The following LAMP1 variants were observed in gnomAD, a reference collection of about 807,000 sequenced individuals.
The protein encoded by LAMP1 is lysosome associated membrane protein 1, also known as lysosome-associated membrane glycoprotein 1.
A neutral mutation model predicts 37.5 loss-of-function variants in LAMP1; 7 were observed. The ratio of observed to expected loss-of-function variants is 0.19; its 90% confidence interval spans 0.11 to 0.35. LAMP1 has a LOEUF of 0.35. Among genes scored for constraint, LAMP1 ranks in the 10% least tolerant of loss-of-function variants. LAMP1 has a pLI of 1.00. For missense variants in LAMP1, 537 were observed against 552.8 expected (o/e 0.97, Z 0.29); for synonymous variants, 236 against 229.1 (o/e 1.03, Z -0.27).
At chr13:113,313,860 G>T (rs1395739595) in intron 4 of LAMP1, among the ~76,000 whole-genome samples, 1 of 125,496 alleles carries the variant, frequency 8.0e-6, no homozygotes, top group African/African-American at 4.0e-5. Context: ...GTGTGGAGAT[G>T]CCCGTGTGCC....
In LAMP1 at chr13:113,321,907, C is replaced by T. The variant is rs138234444; in HGVS notation, c.1114+180C>T. On this transcript the variant is annotated intron_variant, in intron 8 of 8. Coordinates refer to ENST00000332556, the MANE Select transcript of LAMP1 (RefSeq NM_005561.4). The surrounding 1 kb of genome is among the most constrained non-coding windows in gnomAD (Gnocchi z 5.6). ...CTCCCCCTGCTTTAGAGAGGCCCAG[C>T]GTGTCTCTCAGCTGGGAGCCCCTGG... 23 of 634,590 alleles carry T rather than the reference C, an allele frequency of 3.6e-5. No individual in the cohort carries two copies. Among genetic ancestry groups the T allele is most frequent in the East Asian group, 3.0e-4 (11 of 36,226 alleles). 39.3% of individuals were successfully genotyped at this position (634,590 alleles called of 1,614,324 possible). A position where few individuals can be genotyped will look rare whatever the true frequency, so the allele number is the denominator to read the frequency against.
chr13:113,317,197 G>A (rs2042670262), intron 4 of LAMP1, among the ~76,000 whole-genome samples: 1 of 152,198 alleles, frequency 6.6e-6, no homozygotes, highest in African/African-American at 2.4e-5. Flanking sequence ...TGGAGGAGGT[G>A]TGACAGTGGA....
chr13:113,303,496 A>G (rs1355123100), intron 1 of LAMP1, among the ~76,000 whole-genome samples: 1 of 150,540 alleles, frequency 6.6e-6, no homozygotes, highest in East Asian at 1.9e-4. Flanking sequence ...TACTGGAAAC[A>G]TTGTAACTTA....
At chr13:113,315,437 T>C (rs988010370) in intron 4 of LAMP1, among the ~76,000 whole-genome samples, 2 of 138,452 alleles carry the variant, frequency 1.4e-5, no homozygotes, top group African/African-American at 5.3e-5. Context: ...TTGCCCAGGC[T>C]GGAGTGCGGT....
At chr13:113,317,758 C>T (rs2042674469) in intron 4 of LAMP1, among the ~76,000 whole-genome samples, 1 of 150,360 alleles carries the variant, frequency 6.7e-6, no homozygotes, top group African/African-American at 2.5e-5. Flanking sequence ...ACAATAACTG[C>T]TCACTGCAGC....
chr13:113,321,231 G>C lies in LAMP1; in HGVS notation c.877-173G>C. On this transcript the variant is annotated intron_variant, in intron 6 of 8. Coordinates refer to ENST00000332556, the MANE Select transcript of LAMP1 (RefSeq NM_005561.4). This position sits in a 1 kb window ranked among gnomAD's most constrained non-coding sequence, Gnocchi z 5.6. ...TTTTCATTCCCCAGAGATACACAAC[G>C]CCTTTTATAGACAAGATCTTTTGCA... 2 of 640,884 alleles carry C rather than the reference G, an allele frequency of 3.1e-6. No individual in the cohort carries two copies. Among genetic ancestry groups the C allele is most frequent in the Non-Finnish European group, 5.6e-6 (2 of 360,006 alleles). 39.7% of individuals were successfully genotyped at this position (640,884 alleles called of 1,614,324 possible).
intron 1 of LAMP1, among the ~76,000 whole-genome samples, chr13:113,304,618 C>T (rs763900044): frequency 3.9e-5 from 6 of 152,050 alleles, no homozygotes; most frequent in South Asian, 2.1e-4. Context: ...TTTCCTTGCA[C>T]GCCCTACTTT....
At chr13:113,317,902 C>T (rs1228723610) in intron 4 of LAMP1, among the ~76,000 whole-genome samples, 3 of 152,188 alleles carry the variant, frequency 2.0e-5, no homozygotes, top group Non-Finnish European at 2.9e-5. Flanking sequence ...GTTGCCCAGG[C>T]TGGCCTTGAA....
Position 113,304,380 on chromosome 13 carries a change from G to A in LAMP1, c.62-2105G>A, listed in dbSNP as rs575849249. 2.0e-5 allele frequency among the ~76,000 whole-genome samples: 3 copies of A among 152,300 alleles called. No individual in the cohort carries two copies. The South Asian group carries it at 6.2e-4, about 32-fold the overall frequency. On this transcript the variant is annotated intron_variant, in intron 1 of 8. Transcript: ENST00000332556. ...TGGCGTCTGCTGTGTCTGCCTGTCCGCTGCTTCTGCCTTGCTGGCGTCTGC... is the reference window on the plus strand; with the variant it reads ...TGGCGTCTGCTGTGTCTGCCTGTCCACTGCTTCTGCCTTGCTGGCGTCTGC...
Position 113,321,296 on chromosome 13 carries a change from T to C in LAMP1, c.877-108T>C. On this transcript the variant is annotated intron_variant, in intron 6 of 8. Coordinates refer to ENST00000332556, the MANE Select transcript of LAMP1 (RefSeq NM_005561.4). This position sits in a 1 kb window ranked among gnomAD's most constrained non-coding sequence, Gnocchi z 5.6. ...CTAGAAATGTAGGAAGTCAGGTTTA[T>C]TACCCAATGACCATTCACGTTTGAT... The C allele has an allele frequency of 1.1e-6, 1 of 910,240 alleles. No homozygotes were observed. The highest frequency in any genetic ancestry group is 1.8e-6 in the Non-Finnish European group (1 of 544,810). The allele number at this position is 910,240 out of a possible 1,614,324, so 56.4% of individuals were successfully genotyped here.
chr13:113,299,880 A>T (rs2042561801), intron 1 of LAMP1, among the ~76,000 whole-genome samples: 1 of 152,130 alleles, frequency 6.6e-6, no homozygotes, highest in Non-Finnish European at 1.5e-5. Flanking sequence ...CAACTTTTAA[A>T]AAAGGCCTTT....
chr13:113,301,479 C>T (rs937716552), intron 1 of LAMP1, among the ~76,000 whole-genome samples: 5 of 151,500 alleles, frequency 3.3e-5, no homozygotes, highest in East Asian at 3.9e-4. Context: ...AAAAATTAGT[C>T]GGGCATGGTG....
rs1010396805 is a variant in LAMP1, at chr13:113,323,195, G to A, written c.*774G>A. 1 of 152,208 alleles carries A rather than the reference G, an allele frequency of 6.6e-6. No individual in the cohort carries two copies. Among genetic ancestry groups the A allele is most frequent in the African/African-American group, 2.4e-5 (1 of 41,442 alleles). 9.4% of individuals were successfully genotyped at this position (152,208 alleles called of 1,614,324 possible). A position where few individuals can be genotyped will look rare whatever the true frequency, so the allele number is the denominator to read the frequency against. On this transcript the variant is annotated 3_prime_UTR_variant, in exon 9 of 9. Transcript: ENST00000332556. ...ACGTCCTTGGGCGTCTCTAATGTCT[G>A]CAGCTCAAGGGCTGGCACTTTTTTA...
At chr13:113,299,014 C>T (rs1200137509) in intron 1 of LAMP1, among the ~76,000 whole-genome samples, 1 of 152,166 alleles carries the variant, frequency 6.6e-6, no homozygotes, top group Non-Finnish European at 1.5e-5. Flanking sequence ...GTGGCGCACG[C>T]CTGTAATCCC....
rs570438289 is a variant in LAMP1 at position 113,297,337 on chromosome 13, C to T, written c.-98C>T. 8.7e-3 allele frequency: 1,914 copies of T among 219,188 alleles called. 13 individuals are homozygous for T. Among genetic ancestry groups the T allele is most frequent in the Non-Finnish European group, 0.012 (1,419 of 119,196 alleles). 13.6% of individuals were successfully genotyped at this position (219,188 alleles called of 1,614,324 possible). A position where few individuals can be genotyped will look rare whatever the true frequency, so the allele number is the denominator to read the frequency against. The stretch of plus-strand genomic sequence containing the variant: ...AACGCCGCTGTCTCTAACGCCAGCC[C>T]TTGGCGCCCGCGCCCCGCCACCGCA... On this transcript the variant is annotated 5_prime_UTR_variant, in exon 1 of 9. Coordinates refer to ENST00000332556, the MANE Select transcript of LAMP1 (RefSeq NM_005561.4). The surrounding 1 kb of genome is among the most constrained non-coding windows in gnomAD (Gnocchi z 4.4).
Position 113,320,458 on chromosome 13 carries a change from C to A in LAMP1, c.864C>A (p.Phe288Leu). The change falls in exon 6 of 9, where the codon TTC (phenylalanine) becomes TTA (leucine). Residue 288 changes from phenylalanine (F) to leucine (L), a missense_variant. Transcript: ENST00000332556. The surrounding 1 kb of genome is among the most constrained non-coding windows in gnomAD (Gnocchi z 4.4). ...GCGAGGGCACCACCGTCCTGCTCTT[C>A]CAGTTCGGGATGGTGAGGCTGGGGC... is the stretch of plus-strand genomic sequence containing the variant. Reference protein sequence around the residue: ...LHSEGTTVLLFQFGMNASSSR... With the variant: ...LHSEGTTVLLLQFGMNASSSR... The A allele has an allele frequency of 6.2e-7, 1 of 1,608,588 alleles. No homozygotes were observed.
chr13:113,308,605 G>A (rs780206844), intron 2 of LAMP1, among the ~76,000 whole-genome samples: 12 of 152,072 alleles, frequency 7.9e-5, no homozygotes, highest in Non-Finnish European at 1.3e-4. Flanking sequence ...GATTACAGGC[G>A]TGGCCCAGCG....
In LAMP1 at chr13:113,297,459, C is replaced by T. The variant is rs1434835717; in HGVS notation, c.25C>T (p.Arg9Ter). 2 of 1,189,572 alleles carry T rather than the reference C, an allele frequency of 1.7e-6. No individual in the cohort carries two copies. Among genetic ancestry groups the T allele is most frequent in the South Asian group, 3.3e-5 (1 of 30,464 alleles). The allele number at this position is 1,189,572 out of a possible 1,614,324, so 73.7% of individuals were successfully genotyped here. Residue 9 changes from arginine (R) to a stop codon, truncating the protein, a stop_gained, in exon 1 of 9, where the codon CGA (arginine) becomes TGA (stop). Coordinates refer to ENST00000332556, the MANE Select transcript of LAMP1 (RefSeq NM_005561.4). LOFTEE classifies it high-confidence loss of function. This position sits in a 1 kb window ranked among gnomAD's most constrained non-coding sequence, Gnocchi z 4.4. MAAPGSAR[R>*]PLLLLLLLLL... Reference sequence around the variant, plus strand: ...CATGGCGGCCCCCGGCAGCGCCCGGCGACCCCTGCTGCTGCTACTGCTGTT... The same window carrying T: ...CATGGCGGCCCCCGGCAGCGCCCGGTGACCCCTGCTGCTGCTACTGCTGTT...
chr13:113,301,637 AAAAAAAAATATATATATATATATATATAT>A (rs1401517222), intron 1 of LAMP1, among the ~76,000 whole-genome samples: 306 of 26,144 alleles, frequency 0.012, 19 homozygotes, highest in African/African-American at 0.031. Flanking sequence ...TAAAAAAAAA[AAAAAAAAATATATATATATATATATATAT>A]ATATATATAT....
Sources: gnomAD v4.1 joint callset for allele counts (sites outside exome capture counted in the v4.1 genomes callset) on GRCh38, gnomAD v4.1.1 for gene constraint, Gnocchi (gnomAD v3.1) non-coding constraint, MANE v1.5 for transcripts, NCBI Gene and HGNC (gene_info 2026-07-23, HGNC 2026-07-21) for gene names.